AGBL4: variants seen among roughly 807,000 people sequenced by gnomAD.
The protein encoded by AGBL4 is AGBL carboxypeptidase 4, also known as cytosolic carboxypeptidase 6.
In AGBL4, 58 loss-of-function variants were observed where a neutral mutation model predicts 66.4. The observed-to-expected ratio is 0.87, with a 90% CI of 0.71 to 1.09. AGBL4 has a LOEUF of 1.09. Ranked by LOEUF, AGBL4 falls within the 50% of genes least tolerant of loss-of-function variation. The probability of loss-of-function intolerance (pLI) is 0.00; values close to 1 mark genes in which losing one functional copy is unlikely to be tolerated. For synonymous variants in AGBL4, 234 were observed against 222.9 expected (o/e 1.05, Z -0.44); for missense variants, 579 against 631.0 (o/e 0.92, Z 0.88).
Position 48,634,629 on chromosome 1 carries a change from C to A in AGBL4, c.840-25G>T. 3 of 1,520,244 alleles carry A rather than the reference C, an allele frequency of 2.0e-6. No homozygotes were observed. In the South Asian group the frequency reaches 3.7e-5, roughly 19 times the overall value. 94.2% of individuals were successfully genotyped at this position (1,520,244 alleles called of 1,614,324 possible). A position where few individuals can be genotyped will look rare whatever the true frequency, so the allele number is the denominator to read the frequency against. ...CCTAGGCAGTACCCAAAGTAAGAGTCAATATAGACAGGATAAGCTGAGCTT... is the reference window on the plus strand; with the variant it reads ...CCTAGGCAGTACCCAAAGTAAGAGTAAATATAGACAGGATAAGCTGAGCTT... On this transcript the variant is annotated intron_variant, in intron 8 of 13. Coordinates refer to ENST00000371839, the MANE Select transcript of AGBL4 (RefSeq NM_032785.4).
chr1:49,645,700 A>G (rs1645871996), intron 3 of AGBL4, among the ~76,000 whole-genome samples: 2 of 150,932 alleles, frequency 1.3e-5, no homozygotes, highest in Admixed American at 1.3e-4. Flanking sequence ...TTATCCTAAC[A>G]CCAAAACCAG....
chr1:49,705,613 T>C (rs1647195614), intron 2 of AGBL4, among the ~76,000 whole-genome samples: 1 of 152,238 alleles, frequency 6.6e-6, no homozygotes, highest in African/African-American at 2.4e-5. Context: ...ATCCTTGTAT[T>C]GTGCCAGTTT....
intron 6 of AGBL4, among the ~76,000 whole-genome samples, chr1:48,788,040 G>A (rs1228817237): frequency 1.3e-5 from 2 of 152,198 alleles, no homozygotes; most frequent in Non-Finnish European, 2.9e-5. Flanking sequence ...AAGTGCACAG[G>A]CTTTTAACTC....
chr1:49,828,136 A>C (rs1032031961), intron 2 of AGBL4, among the ~76,000 whole-genome samples: 1 of 152,174 alleles, frequency 6.6e-6, no homozygotes, highest in Non-Finnish European at 1.5e-5. Context: ...AAAAAAAAAA[A>C]CAACTCATTA....
chr1:49,857,087 T>C (rs1331629068), intron 1 of AGBL4, among the ~76,000 whole-genome samples: 1 of 151,290 alleles, frequency 6.6e-6, no homozygotes, highest in Non-Finnish European at 1.5e-5. Flanking sequence ...ACATGAATAG[T>C]GAACAACCTG....
intron 4 of AGBL4, among the ~76,000 whole-genome samples, chr1:49,235,479 T>C (rs974360260): frequency 3.3e-5 from 5 of 152,308 alleles, no homozygotes; most frequent in Middle Eastern, 3.4e-3. Context: ...GCAGTGTGAA[T>C]GCATTCAGGA....
chr1:49,672,343 G>T lies in AGBL4; in HGVS notation c.282+24970C>A, dbSNP rs371545587. ...CAACAGACACTGGGGTCTACTTGAGGGGGGAGGGTGGGAGGAGGAAGAGGA... is the reference window on the plus strand; with the variant it reads ...CAACAGACACTGGGGTCTACTTGAGTGGGGAGGGTGGGAGGAGGAAGAGGA... On this transcript the variant is annotated intron_variant, in intron 3 of 13. Coordinates refer to ENST00000371839, the MANE Select transcript of AGBL4 (RefSeq NM_032785.4). 1.6e-3 allele frequency among the ~76,000 whole-genome samples: 236 copies of T among 152,006 alleles called. 1 individual carries two copies. Among genetic ancestry groups the T allele is most frequent in the African/African-American group, 4.8e-3 (201 of 41,476 alleles).
intron 5 of AGBL4, among the ~76,000 whole-genome samples, chr1:48,993,175 G>A (rs1486798430): frequency 6.6e-6 from 1 of 152,134 alleles, no homozygotes; most frequent in African/African-American, 2.4e-5. Context: ...ATTATTCAGG[G>A]CCACGGGCTC....
chr1:49,919,856 A>AACCAAAACAGCATGGTAGTGGT (rs1652012058), intron 1 of AGBL4, among the ~76,000 whole-genome samples: 1 of 152,248 alleles, frequency 6.6e-6, no homozygotes, highest in Non-Finnish European at 1.5e-5. Context: ...AGGCTACAGT[A>AACCAAAACAGCATGGTAGTGGT]ACCAAAACAG....
At chr1:49,352,712 TAAA>T (rs1163490175) in intron 3 of AGBL4, among the ~76,000 whole-genome samples, 1 of 152,054 alleles carries the variant, frequency 6.6e-6, no homozygotes, top group Non-Finnish European at 1.5e-5. Context: ...AGAGGAATAA[TAAA>T]AAGCTAGCAT....
At chr1:49,591,405 T>C (rs1432660870) in intron 3 of AGBL4, among the ~76,000 whole-genome samples, 5 of 152,042 alleles carry the variant, frequency 3.3e-5, no homozygotes, top group African/African-American at 1.2e-4. Context: ...AAATTACTTA[T>C]ATAACATTGA....
intron 11 of AGBL4, among the ~76,000 whole-genome samples, chr1:48,550,134 T>C (rs1569741047): frequency 6.6e-6 from 1 of 151,916 alleles, no homozygotes; most frequent in Non-Finnish European, 1.5e-5. Flanking sequence ...CATCACAGAA[T>C]GAATTAAAGT....
intron 3 of AGBL4, among the ~76,000 whole-genome samples, chr1:49,546,349 G>GTA (rs987389345): frequency 1.0e-4 from 15 of 149,296 alleles, no homozygotes; most frequent in East Asian, 3.9e-4. Context: ...ATGTATATAT[G>GTA]TATATATATA....
chr1:49,790,556 A>T lies in AGBL4; in HGVS notation c.157+60840T>A, dbSNP rs147962051. On this transcript the variant is annotated intron_variant, in intron 2 of 13. Transcript: ENST00000371839. ...AGTGATAATAAATAACAGTTGAATT[A>T]AAAAAATTATCAATTGAGTTTATAC... is the stretch of plus-strand genomic sequence containing the variant. Among the ~76,000 whole-genome samples the T allele has an allele frequency of 3.6e-3, 552 of 152,282 alleles. 4 individuals carry two copies. Among genetic ancestry groups the T allele is most frequent in the African/African-American group, 0.013 (523 of 41,566 alleles).
intron 3 of AGBL4, among the ~76,000 whole-genome samples, chr1:49,622,318 T>G (rs1464439762): frequency 6.6e-6 from 1 of 152,150 alleles, no homozygotes; most frequent in African/African-American, 2.4e-5. Flanking sequence ...GCCTCAGTTT[T>G]CTAGTTTGAA....
chr1:49,172,749 G>A (rs184845716), intron 4 of AGBL4, among the ~76,000 whole-genome samples: 1 of 152,302 alleles, frequency 6.6e-6, no homozygotes, highest in Non-Finnish European at 1.5e-5. Flanking sequence ...GAAAATCAGT[G>A]TGAGAAACTT....
chr1:49,504,711 C>CT (rs1648518957), intron 3 of AGBL4, among the ~76,000 whole-genome samples: 1 of 151,930 alleles, frequency 6.6e-6, no homozygotes, highest in Admixed American at 6.6e-5. Flanking sequence ...TTCATCCCTT[C>CT]ACTTTCAGTG....
At chr1:48,822,438 A>G (rs1646336815) in intron 6 of AGBL4, among the ~76,000 whole-genome samples, 1 of 152,224 alleles carries the variant, frequency 6.6e-6, no homozygotes, top group Non-Finnish European at 1.5e-5. Context: ...AGCACATGCT[A>G]TATGATTTGA....
intron 8 of AGBL4, among the ~76,000 whole-genome samples, 161 bp from the exon 9 acceptor site, chr1:48,634,765 G>C (rs1344364003): frequency 2.6e-5 from 4 of 152,178 alleles, no homozygotes; most frequent in Non-Finnish European, 2.9e-5. Flanking sequence ...AATTCTTTCA[G>C]TGTCATCAAC....
Sources: allele counts gnomAD v4.1 joint callset (sites outside exome capture counted in the v4.1 genomes callset), GRCh38; gene constraint gnomAD v4.1.1; transcripts MANE v1.5; gene names NCBI Gene and HGNC (gene_info 2026-07-23, HGNC 2026-07-21).